SPOCK1: variants seen among roughly 807,000 people sequenced by gnomAD.
The protein encoded by SPOCK1 is SPARC (osteonectin), cwcv and kazal like domains proteoglycan 1, also known as testican-1.
SPOCK1 carries 23 observed loss-of-function variants against 55.3 expected under a neutral mutation model. That is an observed-to-expected ratio of 0.42 (90% CI 0.30 to 0.59). SPOCK1 has a LOEUF of 0.59. Ranked by LOEUF, SPOCK1 falls within the 20% of genes least tolerant of loss-of-function variation. The pLI, the probability that SPOCK1 is intolerant of heterozygous loss-of-function variation, is 0.22. For synonymous variants in SPOCK1, 226 were observed against 221.0 expected, an observed-to-expected ratio of 1.02 and a Z score of -0.20; for missense variants, 499 against 552.5, an observed-to-expected ratio of 0.90 and a Z score of 0.97.
chr5:137,242,272 G>A (rs1169562264), intron 3 of SPOCK1, among the ~76,000 whole-genome samples: 2 of 152,180 alleles, frequency 1.3e-5, no homozygotes, highest in African/African-American at 2.4e-5. Flanking sequence ...GGTCATGGGA[G>A]GGACCCGGTC....
At chr5:137,153,252 G>A (rs1754352803) in intron 3 of SPOCK1, among the ~76,000 whole-genome samples, 4 of 152,212 alleles carry the variant, frequency 2.6e-5, no homozygotes, top group African/African-American at 9.6e-5. Flanking sequence ...TGTGCAAGGG[G>A]CATCTCTGGA....
intron 2 of SPOCK1, among the ~76,000 whole-genome samples, chr5:137,273,208 A>G (rs558369842): frequency 2.0e-5 from 3 of 152,356 alleles, no homozygotes; most frequent in South Asian, 2.1e-4. Context: ...CATTTGATAA[A>G]TTGCATCCCT....
At chr5:137,100,151 T>C (rs528673106) in intron 5 of SPOCK1, among the ~76,000 whole-genome samples, 4 of 152,022 alleles carry the variant, frequency 2.6e-5, no homozygotes, top group Non-Finnish European at 5.9e-5. Context: ...AAAGAAATGG[T>C]CTAGTTTGGC....
intron 2 of SPOCK1, among the ~76,000 whole-genome samples, chr5:137,322,556 A>C (rs1276142452): frequency 1.3e-5 from 2 of 152,184 alleles, no homozygotes; most frequent in African/African-American, 4.8e-5. Flanking sequence ...CAGAGGGGAG[A>C]AGTCAAAGAG....
intron 2 of SPOCK1, among the ~76,000 whole-genome samples, chr5:137,302,247 C>T (rs1757605346): frequency 6.6e-6 from 1 of 152,086 alleles, no homozygotes; most frequent in Admixed American, 6.5e-5. Context: ...CTTTGCTTTA[C>T]ATGAGGAATT....
At chr5:137,210,366 A>C (rs1755588855) in intron 3 of SPOCK1, among the ~76,000 whole-genome samples, 1 of 152,192 alleles carries the variant, frequency 6.6e-6, no homozygotes. Flanking sequence ...AACTGGATAC[A>C]TTATTTATCT....
chr5:137,467,379 C>T (rs1482576230), intron 2 of SPOCK1, among the ~76,000 whole-genome samples: 2 of 152,212 alleles, frequency 1.3e-5, no homozygotes, highest in Non-Finnish European at 2.9e-5. Flanking sequence ...AAAGTCTTCA[C>T]GATGAGCTTC....
chr5:137,199,583 T>G (rs901283050), intron 3 of SPOCK1, among the ~76,000 whole-genome samples: 1 of 152,170 alleles, frequency 6.6e-6, no homozygotes, highest in Non-Finnish European at 1.5e-5. Context: ...TCCTTGAACA[T>G]TTATTTTGCT....
chr5:136,999,587 G>A (rs750680189), intron 6 of SPOCK1, among the ~76,000 whole-genome samples: 3 of 152,168 alleles, frequency 2.0e-5, no homozygotes, highest in Non-Finnish European at 2.9e-5. Flanking sequence ...TTCAAGGGCT[G>A]AATGACAGTC....
intron 6 of SPOCK1, among the ~76,000 whole-genome samples, chr5:137,019,577 ATC>A (rs1751520703): frequency 6.6e-6 from 1 of 152,110 alleles, no homozygotes; most frequent in Non-Finnish European, 1.5e-5. Context: ...TGCGGTAAAC[ATC>A]ATCGTTGTGC....
chr5:137,256,995 T>C (rs944460393), intron 3 of SPOCK1, among the ~76,000 whole-genome samples: 4 of 152,260 alleles, frequency 2.6e-5, no homozygotes, highest in Non-Finnish European at 5.9e-5. Context: ...CTTACAATGC[T>C]GACCCAAGCC....
At chr5:136,998,376 C>CA (rs1751087379) in intron 6 of SPOCK1, among the ~76,000 whole-genome samples, 1 of 152,112 alleles carries the variant, frequency 6.6e-6, no homozygotes, top group South Asian at 2.1e-4. Flanking sequence ...AGTAGTTGTT[C>CA]AAAAATATAT....
intron 2 of SPOCK1, among the ~76,000 whole-genome samples, chr5:137,448,522 G>A (rs902357835): frequency 6.6e-6 from 1 of 152,086 alleles, no homozygotes. Flanking sequence ...GTGTGCCTGG[G>A]CTACAGCGGC....
chr5:137,200,974 C>T (rs528556908), intron 3 of SPOCK1, among the ~76,000 whole-genome samples: 33 of 152,306 alleles, frequency 2.2e-4, no homozygotes, highest in African/African-American at 6.3e-4. Context: ...TTAGCAAGCC[C>T]CACTCTGTTT....
intron 2 of SPOCK1, among the ~76,000 whole-genome samples, chr5:137,366,469 T>C (rs1267980845): frequency 6.6e-6 from 1 of 152,182 alleles, no homozygotes. Context: ...CAAACTTGCC[T>C]GTGACCACCC....
intron 4 of SPOCK1, among the ~76,000 whole-genome samples, chr5:137,122,488 C>A (rs796806917): frequency 8.1e-4 from 123 of 152,278 alleles, no homozygotes; most frequent in African/African-American, 2.7e-3. Context: ...TGTCCACTGA[C>A]CTTTGGCATT....
intron 3 of SPOCK1, among the ~76,000 whole-genome samples, chr5:137,193,127 A>T (rs1386808685): frequency 6.6e-6 from 1 of 152,164 alleles, no homozygotes; most frequent in Non-Finnish European, 1.5e-5. Flanking sequence ...AAGACTCTGG[A>T]GGGGAAGGGG....
chr5:137,015,495 C>G (rs13190583), intron 6 of SPOCK1, among the ~76,000 whole-genome samples: 41,465 of 151,914 alleles, frequency 0.27, 6,674 homozygotes, highest in Non-Finnish European at 0.36. Flanking sequence ...AGTGCTGGTA[C>G]CATTCACATT....
At chr5:137,244,548 T>C (rs1395876985) in intron 3 of SPOCK1, among the ~76,000 whole-genome samples, 2 of 152,198 alleles carry the variant, frequency 1.3e-5, no homozygotes, top group Non-Finnish European at 2.9e-5. Flanking sequence ...GACAGAACTA[T>C]AAAACACAGT....
Sources: allele counts gnomAD v4.1 joint callset (sites outside exome capture counted in the v4.1 genomes callset), GRCh38; gene constraint gnomAD v4.1.1; transcripts MANE v1.5; gene names NCBI Gene and HGNC (gene_info 2026-07-23, HGNC 2026-07-21).